The following PARD3B variants were observed in gnomAD, a reference collection of about 807,000 sequenced individuals.
PARD3B encodes partitioning defective 3 homolog B.
PARD3B carries 103 observed loss-of-function variants against 130.2 expected under a neutral mutation model. That is an observed-to-expected ratio of 0.79 (90% CI 0.67 to 0.93). The LOEUF (loss-of-function observed/expected upper bound fraction) is 0.93. Among genes scored for constraint, PARD3B ranks in the 40% least tolerant of loss-of-function variants. The probability of loss-of-function intolerance (pLI) is 0.00; values close to 1 mark genes in which losing one functional copy is unlikely to be tolerated. For synonymous variants in PARD3B, 583 were observed against 553.2 expected (o/e 1.05, Z -0.76); for missense variants, 1,609 against 1,499.2 (o/e 1.07, Z -1.21).
chr2:205,170,056 G>C (rs777808973), intron 11 of PARD3B, among the ~76,000 whole-genome samples: 1 of 150,722 alleles, frequency 6.6e-6, no homozygotes, highest in East Asian at 2.0e-4. Context: ...TCAGCCTCCC[G>C]AGTAGCTGGG....
intron 4 of PARD3B, among the ~76,000 whole-genome samples, chr2:205,094,782 T>C (rs1320080740): frequency 6.6e-6 from 1 of 152,206 alleles, no homozygotes; most frequent in East Asian, 1.9e-4. Flanking sequence ...CAAACCTGGC[T>C]TTTGTATAGC....
intron 4 of PARD3B, among the ~76,000 whole-genome samples, chr2:205,076,096 A>G (rs1008525621): frequency 1.3e-4 from 20 of 152,156 alleles, no homozygotes; most frequent in Non-Finnish European, 1.5e-5. Context: ...ACCTAACTTC[A>G]TGATGCAGAG....
Position 205,499,894 on chromosome 2 carries a change from A to G in PARD3B, c.3045-2A>G. On this transcript the variant is annotated splice_acceptor_variant, in intron 20 of 22. Coordinates refer to ENST00000406610, the MANE Select transcript of PARD3B (RefSeq NM_001302769.2). LOFTEE classifies it high-confidence loss of function. ...ATCTGATTATTTGTCTATATCCTGT[A>G]GTGGCCGTCCTACGGGTGGAAGCAC... The G allele has an allele frequency of 4.3e-6, 7 of 1,613,362 alleles. No homozygotes were observed. Among genetic ancestry groups the G allele is most frequent in the Non-Finnish European group, 5.9e-6 (7 of 1,179,414 alleles).
chr2:204,897,617 C>T (rs1441101528), intron 2 of PARD3B, among the ~76,000 whole-genome samples: 1 of 151,882 alleles, frequency 6.6e-6, no homozygotes, highest in African/African-American at 2.4e-5. Context: ...AGTGTCCCAA[C>T]CAGGATATTG....
At chr2:205,247,914 AT>A (rs1232300399) in intron 16 of PARD3B, among the ~76,000 whole-genome samples, 3 of 151,726 alleles carry the variant, frequency 2.0e-5, no homozygotes, top group Non-Finnish European at 4.4e-5. Context: ...ACCCTTCCCC[AT>A]TTTTTGTTTT....
chr2:204,957,218 G>A (rs1348388299), intron 2 of PARD3B, among the ~76,000 whole-genome samples: 1 of 152,130 alleles, frequency 6.6e-6, no homozygotes, highest in Non-Finnish European at 1.5e-5. Context: ...GGTTTAATGT[G>A]TATCTGGCTT....
Position 205,091,138 on chromosome 2 carries a change from C to T in PARD3B, c.505-13288C>T, listed in dbSNP as rs921029474. On this transcript the variant is annotated intron_variant, in intron 4 of 22. Coordinates refer to ENST00000406610, the MANE Select transcript of PARD3B (RefSeq NM_001302769.2). This position sits in a 1 kb window ranked among gnomAD's most constrained non-coding sequence, Gnocchi z 4.2. ...CTAGTAATTGTCTATGCAGGGTTAG[C>T]GGAAGAGATTTAAGCATTAGAGGCT... Among the ~76,000 whole-genome samples, 5 of 152,078 alleles carry T rather than the reference C, an allele frequency of 3.3e-5. No homozygotes were observed. The highest frequency in any genetic ancestry group is 2.1e-4 in the South Asian group (1 of 4,820).
intron 3 of PARD3B, among the ~76,000 whole-genome samples, chr2:204,994,686 A>T (rs1475982983): frequency 6.6e-6 from 1 of 151,200 alleles, no homozygotes; most frequent in East Asian, 2.0e-4. Context: ...GGGGTGTTAA[A>T]GTCTCCCATT....
intron 1 of PARD3B, among the ~76,000 whole-genome samples, chr2:204,576,552 TAACTCCTCTA>T (rs1157613854): frequency 1.1e-4 from 16 of 152,110 alleles, no homozygotes; most frequent in Admixed American, 1.3e-4. Flanking sequence ...AACAATAAAA[TAACTCCTCTA>T]ATGCTGATGC....
intron 18 of PARD3B, among the ~76,000 whole-genome samples, chr2:205,334,993 G>A: frequency 6.6e-6 from 1 of 152,274 alleles, no homozygotes; most frequent in South Asian, 2.1e-4. Flanking sequence ...TCTTGAAGTT[G>A]TAAGAGAAGC....
Position 205,067,095 on chromosome 2 carries a change from C to CTTTTTTT in PARD3B, c.504+19428_504+19434dup, listed in dbSNP as rs10672449. On this transcript the variant is annotated intron_variant, in intron 4 of 22. Transcript: ENST00000406610. ...GCATCTTGCATCCACTTTTACTAGG[C>CTTTTTTT]TTTTTTTTTTTTTTTTTTTTTTTTT... is the stretch of plus-strand genomic sequence containing the variant. 3.6e-3 allele frequency among the ~76,000 whole-genome samples: 214 copies of CTTTTTTT among 59,644 alleles called. 29 individuals are homozygous for CTTTTTTT. Among genetic ancestry groups the CTTTTTTT allele is most frequent in the Non-Finnish European group, 4.9e-3 (156 of 32,080 alleles). 39.1% of individuals were successfully genotyped at this position (59,644 alleles called of 152,430 possible).
intron 1 of PARD3B, among the ~76,000 whole-genome samples, chr2:204,640,779 T>G (rs2035048696): frequency 6.6e-6 from 1 of 151,946 alleles, no homozygotes; most frequent in Non-Finnish European, 1.5e-5. Context: ...TTGCAGTCAG[T>G]AAATATTTAT....
At chr2:205,367,385 T>C (rs1290446609) in intron 18 of PARD3B, among the ~76,000 whole-genome samples, 1 of 152,100 alleles carries the variant, frequency 6.6e-6, no homozygotes, top group Non-Finnish European at 1.5e-5. Flanking sequence ...AGGAAATAGG[T>C]TTAAACTAAA....
At chr2:205,559,761 G>A (rs540516125) in intron 22 of PARD3B, among the ~76,000 whole-genome samples, 1 of 152,022 alleles carries the variant, frequency 6.6e-6, no homozygotes, top group East Asian at 1.9e-4. Flanking sequence ...ACCATGCCCG[G>A]CTAATTTTTG....
intron 18 of PARD3B, among the ~76,000 whole-genome samples, chr2:205,371,344 G>A (rs961027602): frequency 2.6e-5 from 4 of 152,140 alleles, no homozygotes; most frequent in South Asian, 4.1e-4. Context: ...AACTTGTTCT[G>A]TATGGGGCCT....
At chr2:204,571,622 C>A (rs181452112) in intron 1 of PARD3B, among the ~76,000 whole-genome samples, 1 of 152,274 alleles carries the variant, frequency 6.6e-6, no homozygotes, top group Non-Finnish European at 1.5e-5. Context: ...ATACCTATAT[C>A]TCGTCTCCCT....
rs182941158 is a variant in PARD3B, at chr2:204,901,376, C to T, written c.223-63776C>T. The stretch of plus-strand genomic sequence containing the variant: ...GTAAAGTCGTCTCTCCCTGAGGCCA[C>T]CACTGCCTGAGGCCTGTACTACCTG... On this transcript the variant is annotated intron_variant, in intron 2 of 22. Coordinates refer to ENST00000406610, the MANE Select transcript of PARD3B (RefSeq NM_001302769.2). Among the ~76,000 whole-genome samples, 21 of 152,236 alleles carry T rather than the reference C, an allele frequency of 1.4e-4. No homozygotes were observed. The East Asian group carries it at 4.1e-3, about 30-fold the overall frequency.
At chr2:204,767,126 T>A (rs1189293106) in intron 2 of PARD3B, among the ~76,000 whole-genome samples, 1 of 96,864 alleles carries the variant, frequency 1.0e-5, no homozygotes, top group Non-Finnish European at 2.1e-5. Flanking sequence ...ATTAGGTATA[T>A]CTCCCAATGC....
chr2:204,684,571 A>G (rs1027535041), intron 1 of PARD3B, among the ~76,000 whole-genome samples: 4 of 152,164 alleles, frequency 2.6e-5, no homozygotes, highest in South Asian at 2.1e-4. Flanking sequence ...TGGCCATTAC[A>G]TAGTTTTCTC....
Sources: allele counts gnomAD v4.1 joint callset (sites outside exome capture counted in the v4.1 genomes callset), GRCh38; gene constraint gnomAD v4.1.1; non-coding constraint Gnocchi (gnomAD v3.1); transcripts MANE v1.5; gene names NCBI Gene and HGNC (gene_info 2026-07-23, HGNC 2026-07-21).